The following FRMD4A variants were observed in gnomAD, a reference collection of about 807,000 sequenced individuals.
The protein encoded by FRMD4A is FERM domain containing 4A.
In FRMD4A, 29 loss-of-function variants were observed where a neutral mutation model predicts 129.1. The ratio of observed to expected loss-of-function variants is 0.22; its 90% CI spans 0.17 to 0.31. The LOEUF is 0.31. FRMD4A is among the 10% of genes least tolerant of loss of function. FRMD4A has a pLI of 1.00. For missense variants in FRMD4A, 1,272 were observed against 1,375.8 expected, an observed-to-expected ratio of 0.92 and a Z score of 1.19; for synonymous variants, 634 against 571.6, an observed-to-expected ratio of 1.11 and a Z score of -1.56.
intron 2 of FRMD4A, among the ~76,000 whole-genome samples, chr10:14,122,049 G>A (rs1400121454): frequency 6.6e-6 from 1 of 152,196 alleles, no homozygotes; most frequent in African/African-American, 2.4e-5. Context: ...ACCTGTAGAT[G>A]TTAGAGAGAC....
chr10:14,047,338 T>C (rs765076925), intron 2 of FRMD4A, among the ~76,000 whole-genome samples: 3 of 151,992 alleles, frequency 2.0e-5, no homozygotes, highest in Non-Finnish European at 4.4e-5. Flanking sequence ...TCACAGTGAA[T>C]CTCCCAAACA....
chr10:13,661,972 T>C (rs1239266907), intron 19 of FRMD4A, among the ~76,000 whole-genome samples: 2 of 152,100 alleles, frequency 1.3e-5, no homozygotes, highest in Non-Finnish European at 2.9e-5. Context: ...GACCCTGCAG[T>C]GGGACTGTGG....
intron 2 of FRMD4A, among the ~76,000 whole-genome samples, chr10:14,165,784 A>C (rs112914586): frequency 7.2e-5 from 11 of 152,182 alleles, no homozygotes; most frequent in African/African-American, 2.7e-4. Context: ...GTTCTCGCTT[A>C]TAAGTGGGAG....
intron 15 of FRMD4A, among the ~76,000 whole-genome samples, chr10:13,691,895 C>T (rs141303760): frequency 1.1e-3 from 173 of 152,250 alleles, no homozygotes; most frequent in African/African-American, 3.8e-3. Context: ...AGACTGGGAG[C>T]GGCTGTAATT....
rs895084762 is a variant in FRMD4A, at chr10:13,957,875, C to T, written c.46-98963G>A. 3.7e-4 allele frequency among the ~76,000 whole-genome samples: 56 copies of T among 151,898 alleles called. 1 individual carries two copies. Among genetic ancestry groups the T allele is most frequent in the African/African-American group, 1.2e-3 (49 of 41,384 alleles). On this transcript the variant is annotated intron_variant, in intron 2 of 24. Coordinates refer to ENST00000357447, the MANE Select transcript of FRMD4A (RefSeq NM_018027.5). ...AGCCACTTACAAAGTTGATTACATA[C>T]GGCGACTAGGAACCCACCGCTCTTT... is the stretch of plus-strand genomic sequence containing the variant.
At chr10:14,110,629 T>TAACAAAACAAAACAAAACAA (rs141263753) in intron 2 of FRMD4A, among the ~76,000 whole-genome samples, 2 of 150,562 alleles carry the variant, frequency 1.3e-5, no homozygotes, top group South Asian at 4.2e-4. Context: ...GCTTTCTTGC[T>TAACAAAACAAAACAAAACAA]AACAAAACAA....
intron 2 of FRMD4A, among the ~76,000 whole-genome samples, chr10:14,021,265 C>T (rs895211156): frequency 7.2e-5 from 11 of 151,964 alleles, no homozygotes; most frequent in Admixed American, 7.2e-4. Flanking sequence ...GGGGTCCAGA[C>T]ATGGTGGCTC....
At chr10:14,030,269 T>C (rs916179143) in intron 2 of FRMD4A, among the ~76,000 whole-genome samples, 4 of 152,228 alleles carry the variant, frequency 2.6e-5, no homozygotes, top group African/African-American at 9.6e-5. Context: ...CATAAAATGT[T>C]TTTTAGAAAA....
At chr10:13,973,982 T>C (rs985285764) in intron 2 of FRMD4A, among the ~76,000 whole-genome samples, 1 of 151,616 alleles carries the variant, frequency 6.6e-6, no homozygotes, top group Non-Finnish European at 1.5e-5. Flanking sequence ...CAGACTCTTA[T>C]CCAAAGCATG....
rs539107260 is a variant in FRMD4A, at chr10:13,891,739, T to C, written c.46-32827A>G. 1,913 of 983,990 alleles carry C rather than the reference T, an allele frequency of 1.9e-3. 38 individuals carry two copies. The African/African-American group carries it at 0.031, about 16-fold the overall frequency. The allele number at this position is 983,990 out of a possible 1,614,324, so 61.0% of individuals were successfully genotyped here. A position where few individuals can be genotyped will look rare whatever the true frequency, so the allele number is the denominator to read the frequency against. Reference sequence around the variant, plus strand: ...AGGCCCTTGGCCTACTAGGCGGCCTTGGCGCCCGCAGCTGGCGAGCCCCCG... The same window carrying C: ...AGGCCCTTGGCCTACTAGGCGGCCTCGGCGCCCGCAGCTGGCGAGCCCCCG... On this transcript the variant is annotated intron_variant, in intron 2 of 24. Transcript: ENST00000357447.
At chr10:13,973,125 G>C (rs1490642217) in intron 2 of FRMD4A, among the ~76,000 whole-genome samples, 1 of 152,164 alleles carries the variant, frequency 6.6e-6, no homozygotes, top group Non-Finnish European at 1.5e-5. Flanking sequence ...TACCTCACTA[G>C]GTTGTGAGGA....
At chr10:13,877,324 G>A (rs902124652) in intron 2 of FRMD4A, among the ~76,000 whole-genome samples, 4 of 152,108 alleles carry the variant, frequency 2.6e-5, no homozygotes, top group Non-Finnish European at 5.9e-5. Flanking sequence ...CTAAATCCAA[G>A]GTCCACATGC....
chr10:14,113,675 T>G (rs1838045982), intron 2 of FRMD4A, among the ~76,000 whole-genome samples: 1 of 152,196 alleles, frequency 6.6e-6, no homozygotes, highest in African/African-American at 2.4e-5. Flanking sequence ...AATTATTTGT[T>G]GCTTATTTCT....
At chr10:13,691,674 T>C (rs1458314343) in intron 15 of FRMD4A, among the ~76,000 whole-genome samples, 2 of 152,162 alleles carry the variant, frequency 1.3e-5, no homozygotes, top group Non-Finnish European at 2.9e-5. Context: ...GTGGTTTCGA[T>C]GCACGCCGAA....
At chr10:14,039,864 G>A (rs1261824306) in intron 2 of FRMD4A, among the ~76,000 whole-genome samples, 1 of 152,108 alleles carries the variant, frequency 6.6e-6, no homozygotes. Flanking sequence ...TCACGGCCGT[G>A]CATCCTTAAC....
At chr10:14,040,935 G>C (rs2131674412) in intron 2 of FRMD4A, among the ~76,000 whole-genome samples, 1 of 152,290 alleles carries the variant, frequency 6.6e-6, no homozygotes, top group South Asian at 2.1e-4. Flanking sequence ...TTACCCACAA[G>C]CCCAGAGAAA....
At chr10:14,076,307 G>C (rs1207602161) in intron 2 of FRMD4A, among the ~76,000 whole-genome samples, 1 of 152,156 alleles carries the variant, frequency 6.6e-6, no homozygotes, top group South Asian at 2.1e-4. Flanking sequence ...TTCCAGGGCT[G>C]GGTTAAAGCC....
intron 2 of FRMD4A, among the ~76,000 whole-genome samples, chr10:13,864,800 C>T (rs1021085520): frequency 2.6e-5 from 4 of 152,168 alleles, no homozygotes; most frequent in Middle Eastern, 3.4e-3. Flanking sequence ...TGGTCTCGAA[C>T]TCCTGACCTC....
chr10:14,114,141 C>T (rs1275738608), intron 2 of FRMD4A, among the ~76,000 whole-genome samples: 3 of 152,348 alleles, frequency 2.0e-5, no homozygotes, highest in East Asian at 1.9e-4. Context: ...CGACTGTGTG[C>T]GCCAGCAAAA....
Sources: allele counts gnomAD v4.1 joint callset (sites outside exome capture counted in the v4.1 genomes callset), GRCh38; gene constraint gnomAD v4.1.1; transcripts MANE v1.5; gene names NCBI Gene and HGNC (gene_info 2026-07-23, HGNC 2026-07-21).